CCDC18: variants seen among roughly 807,000 people sequenced by gnomAD.
The protein encoded by CCDC18 is coiled-coil domain containing 18, also known as coiled-coil domain-containing protein 18.
CCDC18 carries 157 observed loss-of-function variants against 196.0 expected under a neutral mutation model. The ratio of observed to expected loss-of-function variants is 0.80; its 90% CI spans 0.70 to 0.91. CCDC18 has a LOEUF of 0.91. Ranked by LOEUF, CCDC18 falls within the 40% of genes least tolerant of loss-of-function variation. The probability of loss-of-function intolerance (pLI) is 0.00; values close to 1 mark genes in which losing one functional copy is unlikely to be tolerated. For synonymous variants in CCDC18, 482 were observed against 529.2 expected (o/e 0.91, Z 1.22); for missense variants, 1,465 against 1,611.6 (o/e 0.91, Z 1.56).
intron 14 of CCDC18, among the ~76,000 whole-genome samples, chr1:93,219,653 C>T (rs1157699899): frequency 6.6e-6 from 1 of 152,158 alleles, no homozygotes; most frequent in Non-Finnish European, 1.5e-5. Context: ...CAATTCAAAA[C>T]GTATGAATTG....
intron 18 of CCDC18, among the ~76,000 whole-genome samples, chr1:93,234,387 C>A (rs1659722053): frequency 6.6e-6 from 1 of 151,956 alleles, no homozygotes; most frequent in South Asian, 2.1e-4. Flanking sequence ...GTCTTGATCT[C>A]TTGATCTTGT....
At position 93,256,439 on chromosome 1, in the gene CCDC18, A is replaced by G. The variant is rs768299836; in HGVS notation, c.3447A>G (p.Thr1149=). ...GGGAGCAGGTGCAGAACTCTCATAC[A>G]GAATTGGCAGAGGCTCGTCATCAGC... The part of the protein sequence containing the change: ...LTREQVQNSH[T]ELAEARHQQV... The change falls in exon 25 of 29, where the codon ACA becomes ACG. Residue 1149 remains threonine, a synonymous_variant. Transcript: ENST00000690025. 1.9e-6 allele frequency: 3 copies of G among 1,614,152 alleles called. No homozygotes were observed. Among genetic ancestry groups the G allele is most frequent in the East Asian group, 4.5e-5 (2 of 44,878 alleles).
chr1:93,253,049 C>T (rs565020388), intron 23 of CCDC18, among the ~76,000 whole-genome samples: 2 of 152,218 alleles, frequency 1.3e-5, no homozygotes, highest in South Asian at 2.1e-4. Flanking sequence ...AGATGAGTCT[C>T]TAGTTGCAAT....
chr1:93,272,403 T>C (rs1665349330), intron 28 of CCDC18, among the ~76,000 whole-genome samples: 1 of 152,242 alleles, frequency 6.6e-6, no homozygotes, highest in Admixed American at 6.5e-5. Context: ...CAGGCTGTGC[T>C]GGCCAAAATT....
chr1:93,212,210 A>C lies in CCDC18; in HGVS notation c.1444A>C (p.Lys482Gln). Residue 482 changes from lysine (K) to glutamine (Q), a missense_variant, in exon 11 of 29, where the codon AAA (lysine) becomes CAA (glutamine). Lys to Gln is a moderately conservative substitution (Grantham distance 53, BLOSUM62 1). Transcript: ENST00000690025. ...ITCNDSQESS[K>Q]LSSLETEPVK... ...TTGTAATGACAGCCAAGAAAGTAGCAAATTAAGTAGTTTAGAAACAGAACC... is the reference window on the plus strand; with the variant it reads ...TTGTAATGACAGCCAAGAAAGTAGCCAATTAAGTAGTTTAGAAACAGAACC... 6.2e-7 allele frequency: 1 copy of C among 1,609,990 alleles called. No homozygotes were observed. The highest frequency in any genetic ancestry group is 8.5e-7 in the Non-Finnish European group (1 of 1,178,584).
At chr1:93,191,644 A>G (rs1320229054) in intron 4 of CCDC18, among the ~76,000 whole-genome samples, 1 of 152,210 alleles carries the variant, frequency 6.6e-6, no homozygotes, top group Non-Finnish European at 1.5e-5. Context: ...TAAATCATAA[A>G]AATTCAATAA....
At chr1:93,247,178 G>A (rs552318161) in intron 23 of CCDC18, among the ~76,000 whole-genome samples, 6 of 151,010 alleles carry the variant, frequency 4.0e-5, no homozygotes, top group East Asian at 4.0e-4. Flanking sequence ...CTCCTGCCTC[G>A]GTCTCCCCAA....
Position 93,239,294 on chromosome 1 carries a change from ATT to A in CCDC18, c.2604-14_2604-13del. ...AAGTTTCTAAATTACCTGTTTTATT[ATT>A]TGTTTTTAATTAGGCAAGTAAAGAT... is the stretch of plus-strand genomic sequence containing the variant. On this transcript the variant is annotated splice_polypyrimidine_tract_variant and intron_variant, in intron 19 of 28. Transcript: ENST00000690025. 6.6e-7 allele frequency: 1 copy of A among 1,506,652 alleles called. No homozygotes were observed. Among genetic ancestry groups the A allele is most frequent in the Non-Finnish European group, 8.9e-7 (1 of 1,124,972 alleles). The allele number at this position is 1,506,652 out of a possible 1,614,324, so 93.3% of individuals were successfully genotyped here. A position where few individuals can be genotyped will look rare whatever the true frequency, so the allele number is the denominator to read the frequency against.
At chr1:93,262,758 T>C (rs1663982329) in intron 26 of CCDC18, among the ~76,000 whole-genome samples, 3 of 152,130 alleles carry the variant, frequency 2.0e-5, no homozygotes, top group African/African-American at 7.2e-5. Flanking sequence ...ACAGCTCCAC[T>C]ACCCAGTGCC....
chr1:93,242,037 ATTCC>A (rs144893566), intron 21 of CCDC18, among the ~76,000 whole-genome samples: 2,303 of 152,312 alleles, frequency 0.015, 27 homozygotes, highest in Non-Finnish European at 0.023. Context: ...TGACTCAGTA[ATTCC>A]ACTCCTAGTT....
chr1:93,191,472 A>G (rs142958589), intron 4 of CCDC18, among the ~76,000 whole-genome samples: 136 of 152,226 alleles, frequency 8.9e-4, no homozygotes, highest in African/African-American at 3.1e-3. Context: ...CTTCTTTTTC[A>G]GTGATAGTTA....
In CCDC18 at chr1:93,204,602, A is replaced by C. The variant is rs74101460; in HGVS notation, c.796-908A>C. ...TGACAGCTACATGATAAAATATTTTAGAGGAGAAGTTACCAACAATATTAA... is the reference window on the plus strand; with the variant it reads ...TGACAGCTACATGATAAAATATTTTCGAGGAGAAGTTACCAACAATATTAA... On this transcript the variant is annotated intron_variant, in intron 7 of 28. Transcript: ENST00000690025. Among the ~76,000 whole-genome samples the C allele has an allele frequency of 8.3e-3, 1,262 of 152,268 alleles. 20 individuals are homozygous for C. The highest frequency in any genetic ancestry group is 0.028 in the African/African-American group (1,156 of 41,548).
At chr1:93,210,341 T>C (rs1557631164) in intron 9 of CCDC18, among the ~76,000 whole-genome samples, 1 of 151,900 alleles carries the variant, frequency 6.6e-6, no homozygotes, top group Non-Finnish European at 1.5e-5. Context: ...TTATCAACTC[T>C]ATGTTTTTTT....
At chr1:93,185,348 G>A (rs1258532280) in intron 3 of CCDC18, among the ~76,000 whole-genome samples, 1 of 151,724 alleles carries the variant, frequency 6.6e-6, no homozygotes, top group Non-Finnish European at 1.5e-5. Flanking sequence ...ACCTTGACTT[G>A]GAACTCCCAC....
intron 26 of CCDC18, among the ~76,000 whole-genome samples, chr1:93,260,942 G>A (rs1015147874): frequency 2.0e-4 from 31 of 152,216 alleles, no homozygotes; most frequent in Middle Eastern, 3.4e-3. Flanking sequence ...TGCAAAGGAC[G>A]TGAACTCATC....
At chr1:93,245,429 G>A (rs1661379920) in intron 21 of CCDC18, among the ~76,000 whole-genome samples, 1 of 152,004 alleles carries the variant, frequency 6.6e-6, no homozygotes, top group Non-Finnish European at 1.5e-5. Context: ...TCATATTTCA[G>A]ACTGGAAAAT....
chr1:93,273,230 G>C (rs1004656026), intron 28 of CCDC18, among the ~76,000 whole-genome samples: 1 of 151,976 alleles, frequency 6.6e-6, no homozygotes, highest in Non-Finnish European at 1.5e-5. Context: ...CACCACGCCC[G>C]GCTAATTTTT....
At chr1:93,242,791 A>T (rs1006736594) in intron 21 of CCDC18, among the ~76,000 whole-genome samples, 3 of 152,248 alleles carry the variant, frequency 2.0e-5, no homozygotes, top group Admixed American at 1.3e-4. Context: ...TACAGGCCCC[A>T]TGCAAGTCTG....
chr1:93,248,900 G>C (rs1299968166), intron 23 of CCDC18, among the ~76,000 whole-genome samples: 1 of 150,566 alleles, frequency 6.6e-6, no homozygotes, highest in African/African-American at 2.5e-5. Context: ...TTGAGCCTGG[G>C]AAGTAGAGGC....
Sources: gnomAD v4.1 joint callset for allele counts (sites outside exome capture counted in the v4.1 genomes callset) on GRCh38, gnomAD v4.1.1 for gene constraint, MANE v1.5 for transcripts, NCBI Gene and HGNC (gene_info 2026-07-23, HGNC 2026-07-21) for gene names.